The following FAT3 variants were observed in gnomAD, a reference collection of about 807,000 sequenced individuals.
FAT3 encodes protocadherin Fat 3.
A neutral mutation model predicts 310.2 loss-of-function variants in FAT3; 95 were observed. The ratio of observed to expected loss-of-function variants is 0.31; its 90% confidence interval spans 0.26 to 0.36. FAT3 has a LOEUF of 0.36. Among genes scored for constraint, FAT3 ranks in the 10% least tolerant of loss-of-function variants. The pLI is 1.00. For synonymous variants in FAT3, 2,314 were observed against 2,192.9 expected (o/e 1.06, Z -1.54); for missense variants, 5,408 against 5,715.6 (o/e 0.95, Z 1.74).
intron 2 of FAT3, among the ~76,000 whole-genome samples, chr11:92,359,570 C>T (rs1948826297): frequency 6.7e-6 from 1 of 150,020 alleles, no homozygotes; most frequent in African/African-American, 2.5e-5. Context: ...TGCTGGTGCG[C>T]TGCACCCACT....
At chr11:92,258,619 A>G (rs1186151049) in intron 1 of FAT3, among the ~76,000 whole-genome samples, 1 of 151,590 alleles carries the variant, frequency 6.6e-6, no homozygotes, top group Non-Finnish European at 1.5e-5. Context: ...AATTTTCAAG[A>G]TTCCTGGATG....
intron 3 of FAT3, among the ~76,000 whole-genome samples, chr11:92,568,109 C>G (rs1280538988): frequency 6.6e-6 from 1 of 152,092 alleles, no homozygotes; most frequent in Non-Finnish European, 1.5e-5. Flanking sequence ...TCCTAGGCCA[C>G]CTGACAGTAT....
At chr11:92,662,964 C>T (rs893911671) in intron 3 of FAT3, among the ~76,000 whole-genome samples, 2 of 152,166 alleles carry the variant, frequency 1.3e-5, no homozygotes, top group African/African-American at 2.4e-5. Flanking sequence ...GTGGGAATGG[C>T]CCGGTTCCTC....
intron 3 of FAT3, among the ~76,000 whole-genome samples, chr11:92,648,017 G>A (rs756463328): frequency 5.3e-5 from 8 of 152,112 alleles, no homozygotes; most frequent in Admixed American, 2.6e-4. Context: ...TAGAAGAGCC[G>A]GAAAGAGGAT....
At chr11:92,615,125 A>G (rs1940739538) in intron 3 of FAT3, among the ~76,000 whole-genome samples, 1 of 152,252 alleles carries the variant, frequency 6.6e-6, no homozygotes, top group South Asian at 2.1e-4. Context: ...AAGTTTTGAA[A>G]TCAAAATGAA....
intron 2 of FAT3, among the ~76,000 whole-genome samples, chr11:92,441,181 T>C (rs1270446174): frequency 1.3e-5 from 2 of 152,252 alleles, no homozygotes; most frequent in African/African-American, 2.4e-5. Flanking sequence ...CCACATTCTT[T>C]GAATTCTCTA....
Position 92,283,737 on chromosome 11 carries a change from G to T in FAT3, c.-18+58563G>T, listed in dbSNP as rs930771945. 1.2e-4 allele frequency among the ~76,000 whole-genome samples: 19 copies of T among 152,256 alleles called. No homozygotes were observed. The East Asian group carries it at 3.3e-3, about 26-fold the overall frequency. ...TTAAAGTGGCCCGTGCATAAAGTGA[G>T]ATCCACAGGGTGAATTTGATATGTC... On this transcript the variant is annotated intron_variant, in intron 1 of 27. Coordinates refer to ENST00000525166, the MANE Select transcript of FAT3 (RefSeq NM_001367949.2).
At chr11:92,577,751 C>T (rs868682160) in intron 3 of FAT3, among the ~76,000 whole-genome samples, 7 of 151,986 alleles carry the variant, frequency 4.6e-5, no homozygotes, top group Non-Finnish European at 4.4e-5. Flanking sequence ...AAGAAATTTA[C>T]GGGGCAGCAG....
intron 8 of FAT3, among the ~76,000 whole-genome samples, 168 bp downstream of exon 8, chr11:92,790,386 A>C (rs141689917): frequency 1.1e-3 from 174 of 152,324 alleles, no homozygotes; most frequent in African/African-American, 3.8e-3. Context: ...ATGAAGAATT[A>C]CTGTTGTTAG....
chr11:92,293,376 C>T (rs1191811645), intron 1 of FAT3, among the ~76,000 whole-genome samples: 1 of 151,100 alleles, frequency 6.6e-6, no homozygotes, highest in Non-Finnish European at 1.5e-5. Flanking sequence ...TTTTTCTTTT[C>T]CTTAGTATAA....
At chr11:92,564,919 C>T (rs1955373627) in intron 3 of FAT3, among the ~76,000 whole-genome samples, 2 of 141,168 alleles carry the variant, frequency 1.4e-5, no homozygotes, top group South Asian at 5.3e-4. Context: ...CACTAAATGC[C>T]CACAAGAGAA....
At chr11:92,368,080 G>A (rs1466235402) in intron 2 of FAT3, among the ~76,000 whole-genome samples, 4 of 152,124 alleles carry the variant, frequency 2.6e-5, no homozygotes, top group Non-Finnish European at 4.4e-5. Flanking sequence ...GAATAACATA[G>A]TATTTTTTTA....
intron 19 of FAT3, among the ~76,000 whole-genome samples, chr11:92,846,776 G>A (rs1948693848): frequency 6.6e-6 from 1 of 152,192 alleles, no homozygotes; most frequent in Non-Finnish European, 1.5e-5. Flanking sequence ...GGCCTTCTGG[G>A]TTTGAAAAGC....
intron 19 of FAT3, among the ~76,000 whole-genome samples, chr11:92,849,861 A>G (rs1282308705): frequency 6.6e-6 from 1 of 152,150 alleles, no homozygotes; most frequent in Admixed American, 6.5e-5. Flanking sequence ...CCCCATTCCC[A>G]TGGAGCATGA....
chr11:92,691,906 A>G (rs957790568), intron 3 of FAT3, among the ~76,000 whole-genome samples: 2 of 152,188 alleles, frequency 1.3e-5, no homozygotes, highest in Non-Finnish European at 2.9e-5. Flanking sequence ...TATCTGAACT[A>G]TTGTGAGATA....
At chr11:92,766,885 C>G (rs534285129) in intron 6 of FAT3, 5 of 152,316 alleles carry the variant, frequency 3.3e-5, no homozygotes, top group African/African-American at 1.2e-4. Context: ...ACTTCCACCC[C>G]CAGAGTCACA....
At chr11:92,830,858 C>T (rs912896149) in intron 13 of FAT3, among the ~76,000 whole-genome samples, 1 of 152,146 alleles carries the variant, frequency 6.6e-6, no homozygotes, top group Non-Finnish European at 1.5e-5. Context: ...TCGCCACCTC[C>T]AAGTTCAGAA....
intron 5 of FAT3, among the ~76,000 whole-genome samples, chr11:92,763,612 C>T (rs116844275): frequency 1.4e-4 from 22 of 152,308 alleles, no homozygotes; most frequent in Non-Finnish European, 2.9e-4. Flanking sequence ...CCCACAGCCA[C>T]TGGCTGACTG....
At chr11:92,230,542 C>T (rs1384330223) in intron 1 of FAT3, among the ~76,000 whole-genome samples, 2 of 152,198 alleles carry the variant, frequency 1.3e-5, no homozygotes, top group African/African-American at 2.4e-5. Context: ...GATCCACCCA[C>T]CTCGGCCTCC....
Sources: gnomAD v4.1 joint callset for allele counts (sites outside exome capture counted in the v4.1 genomes callset) on GRCh38, gnomAD v4.1.1 for gene constraint, MANE v1.5 for transcripts, NCBI Gene and HGNC (gene_info 2026-07-23, HGNC 2026-07-21) for gene names.